Variants in HPS4 observed in about 807,000 individuals in gnomAD.
HPS4 encodes BLOC-3 complex member HPS4.
HPS4 carries 44 observed loss-of-function variants against 70.3 expected under a neutral mutation model. That is an observed-to-expected ratio of 0.63 (90% CI 0.49 to 0.80). The LOEUF (loss-of-function observed/expected upper bound fraction) is 0.80, where lower values mean the gene tolerates loss of function less well. Ranked by LOEUF, HPS4 falls within the 30% of genes least tolerant of loss-of-function variation. HPS4 has a pLI of 0.00. For synonymous variants in HPS4, 377 were observed against 355.9 expected (o/e 1.06, Z -0.67); for missense variants, 873 against 884.4 (o/e 0.99, Z 0.16).
At chr22:26,472,233 G>A (rs932804603) in intron 6 of HPS4, 69 bp downstream of exon 6, 10 of 977,874 alleles carry the variant, frequency 1.0e-5, no homozygotes, top group Non-Finnish European at 1.7e-5. Flanking sequence ...TTCACTTCAG[G>A]AATATTAAAA....
chr22:26,452,857 A>G lies in HPS4; in HGVS notation c.*376T>C, dbSNP rs951634381. On this transcript the variant is annotated 3_prime_UTR_variant, in exon 14 of 14. Transcript: ENST00000398145. ...GGGTTGAACACACACACTCTGGGCT[A>G]GTGGACGATCAGGTTCTAGAAAAAA... 9.7e-6 allele frequency: 3 copies of G among 309,402 alleles called. No individual in the cohort carries two copies. The highest frequency in any genetic ancestry group is 5.9e-5 in the South Asian group (2 of 34,180). The allele number at this position is 309,402 out of a possible 1,614,324, so 19.2% of individuals were successfully genotyped here.
chr22:26,465,412 C>T (rs753333251), intron 10 of HPS4, 43 bp downstream of exon 10: 128 of 1,390,450 alleles, frequency 9.2e-5, no homozygotes, highest in Non-Finnish European at 1.1e-4. Context: ...CGATGGGGTC[C>T]CTCAGGTGTG....
chr22:26,449,323 ATTTTT>A (rs35895945), downstream of HPS4, among the ~76,000 whole-genome samples: 3 of 83,314 alleles, frequency 3.6e-5, no homozygotes, highest in South Asian at 3.8e-4. Flanking sequence ...ACTCCCCTGC[ATTTTT>A]TTTTTTTTTT....
intron 7 of HPS4, among the ~76,000 whole-genome samples, chr22:26,469,283 C>CAA (rs5844704): frequency 0.13 from 13,254 of 105,318 alleles, 1,208 homozygotes; most frequent in Non-Finnish European, 0.16. Flanking sequence ...CCCATCTCTA[C>CAA]AAAAAAAAAA....
chr22:26,463,785 G>A (rs989657059), intron 11 of HPS4, 132 bp downstream of exon 11: 3 of 954,230 alleles, frequency 3.1e-6, no homozygotes, highest in South Asian at 3.0e-5. Flanking sequence ...AAACAAGAAC[G>A]TCTTGCCCAG....
intron 1 of HPS4, 106 bp downstream of exon 1, chr22:26,483,568 C>G: frequency 5.1e-6 from 1 of 195,514 alleles, no homozygotes; most frequent in Non-Finnish European, 1.0e-5. Context: ...CTCTACGGGA[C>G]TGGGAAATGG....
chr22:26,448,517 C>T (rs1167010209), downstream of HPS4, among the ~76,000 whole-genome samples: 1 of 152,216 alleles, frequency 6.6e-6, no homozygotes, highest in African/African-American at 2.4e-5. Flanking sequence ...CTCTCCTCCC[C>T]ATGGGTTTGG....
At chr22:26,479,622 C>A in intron 2 of HPS4, 1 of 1,322,520 alleles carries the variant, frequency 7.6e-7, no homozygotes, top group Non-Finnish European at 9.7e-7. Flanking sequence ...AAAAACGAGG[C>A]GCCCACAATG....
rs752931351 is a variant in HPS4, at chr22:26,453,320, G to A, written c.2040C>T (p.Ser680=). ...FQQLAPAARS[S]GFPNPQDGAF... Reference sequence around the variant, plus strand: ...CGCCATCCTGAGGGTTTGGGAAGCCGGAGCTCCGTGCTGCAGGTGCCAGCT... The same window carrying A: ...CGCCATCCTGAGGGTTTGGGAAGCCAGAGCTCCGTGCTGCAGGTGCCAGCT... The change falls in exon 14 of 14, where the codon TCC becomes TCT. Residue 680 remains serine, a synonymous_variant. Coordinates refer to ENST00000398145, the MANE Select transcript of HPS4 (RefSeq NM_022081.6). 5.6e-6 allele frequency: 9 copies of A among 1,614,076 alleles called. No individual in the cohort carries two copies. In the East Asian group the frequency reaches 6.7e-5, roughly 12 times the overall value.
chr22:26,452,890 T>A lies in HPS4; in HGVS notation c.*343A>T. On this transcript the variant is annotated 3_prime_UTR_variant, in exon 14 of 14. Coordinates refer to ENST00000398145, the MANE Select transcript of HPS4 (RefSeq NM_022081.6). ...ATCAGGTTCTAGAAAAAATGCCAACTTGGAAGCTTGTGGCACCAATTCAAG... is the reference window on the plus strand; with the variant it reads ...ATCAGGTTCTAGAAAAAATGCCAACATGGAAGCTTGTGGCACCAATTCAAG... The A allele has an allele frequency of 3.1e-6, 1 of 325,286 alleles. No homozygotes were observed. Among genetic ancestry groups the A allele is most frequent in the Non-Finnish European group, 5.9e-6 (1 of 170,336 alleles). 20.1% of individuals were successfully genotyped at this position (325,286 alleles called of 1,614,324 possible).
rs2147038696 is a variant in HPS4, at chr22:26,481,729, C to T, written c.34G>A (p.Ala12Thr). ...GCAGGCCTTGTTACTCACCACGAGG[C>T]TGACTTTGCCTCTGTGGAGGTAGAG... ...ATSTSTEAKS[A>T]SWWNYFFLYD... The change falls in exon 2 of 14, where the codon GCC becomes ACC. Residue 12 changes from alanine to threonine, a missense_variant. Ala to Thr is a moderately conservative substitution (Grantham distance 58). Coordinates refer to ENST00000398145, the MANE Select transcript of HPS4 (RefSeq NM_022081.6). The T allele has an allele frequency of 6.2e-7, 1 of 1,614,166 alleles. No individual in the cohort carries two copies. The highest frequency in any genetic ancestry group is 8.5e-7 in the Non-Finnish European group (1 of 1,179,962).
At chr22:26,468,845 G>A (rs781665962) in intron 7 of HPS4, among the ~76,000 whole-genome samples, 3 of 152,112 alleles carry the variant, frequency 2.0e-5, no homozygotes, top group Admixed American at 6.5e-5. Flanking sequence ...GTATGCGTAA[G>A]AATATTCATT....
chr22:26,469,306 A>C (rs1393980640), intron 7 of HPS4, among the ~76,000 whole-genome samples: 28 of 141,218 alleles, frequency 2.0e-4, no homozygotes, highest in African/African-American at 7.0e-4. Context: ...AAAAAAAATC[A>C]AAAGCTTGGC....
intron 4 of HPS4, among the ~76,000 whole-genome samples, chr22:26,473,963 A>G (rs2090187068): frequency 6.6e-6 from 1 of 152,224 alleles, no homozygotes. Flanking sequence ...TTGTTCCCAG[A>G]TGTAATCCAA....
chr22:26,444,237 T>C (rs2084887678), exon 4 of HPS4: 1 of 152,110 alleles, frequency 6.6e-6, no homozygotes, highest in South Asian at 2.1e-4. Flanking sequence ...GTTTTTTTTT[T>C]TTTCATTTAT....
intron 4 of HPS4, among the ~76,000 whole-genome samples, chr22:26,473,288 G>C (rs774172917): frequency 2.0e-5 from 3 of 152,112 alleles, no homozygotes; most frequent in Non-Finnish European, 2.9e-5. Flanking sequence ...GCATTGTTAG[G>C]ACTGTTATTT....
chr22:26,444,128 C>T (rs747087033), downstream of HPS4: 2 of 152,100 alleles, frequency 1.3e-5, no homozygotes, highest in Non-Finnish European at 2.9e-5. Flanking sequence ...GATAGGACCG[C>T]GCTCACCCAG....
intron 11 of HPS4, among the ~76,000 whole-genome samples, chr22:26,462,313 G>A (rs2087464646): frequency 6.6e-6 from 1 of 152,182 alleles, no homozygotes; most frequent in South Asian, 2.1e-4. Flanking sequence ...GCCACAGAAG[G>A]CAGGACACTG....
At chr22:26,478,556 G>A (rs118069901) in intron 3 of HPS4, among the ~76,000 whole-genome samples, 1 of 123,824 alleles carries the variant, frequency 8.1e-6, no homozygotes, top group Non-Finnish European at 1.6e-5. Context: ...GGGTGACAGA[G>A]TGAGCCTCCA....
Sources: gnomAD v4.1 joint callset for allele counts (sites outside exome capture counted in the v4.1 genomes callset) on GRCh38, gnomAD v4.1.1 for gene constraint, MANE v1.5 for transcripts, NCBI Gene and HGNC (gene_info 2026-07-23, HGNC 2026-07-21) for gene names.